The following SLC22A6 variants were observed in gnomAD, a reference collection of about 807,000 sequenced individuals.
SLC22A6 encodes PAH transporter.
SLC22A6 carries 45 observed loss-of-function variants against 56.7 expected under a neutral mutation model. The ratio of observed to expected loss-of-function variants is 0.79; its 90% CI spans 0.63 to 1.02. SLC22A6 has a LOEUF of 1.02. Among genes scored for constraint, SLC22A6 ranks in the 50% least tolerant of loss-of-function variants. The pLI is 0.00. For missense variants in SLC22A6, 606 were observed against 713.8 expected, an observed-to-expected ratio of 0.85 and a Z score of 1.72; for synonymous variants, 291 against 295.9, an observed-to-expected ratio of 0.98 and a Z score of 0.17.
At position 62,979,582 on chromosome 11, in the gene SLC22A6, G is replaced by A. The variant is rs1383910173; in HGVS notation, c.1267C>T (p.Arg423Ter). Residue 423 changes from arginine to a stop codon, truncating the protein, a stop_gained, in exon 8 of 10, where the codon CGA becomes TGA. Transcript: ENST00000360421. LOFTEE classifies it high-confidence loss of function. ...TTCCCCAGCACAGCAAGAGAGGTTC[G>A]GACAATGGACTGGTCTAGAGAGAAA... ...GVIPQDQSIV[R>*]TSLAVLGKGC... 8.1e-6 allele frequency: 13 copies of A among 1,613,774 alleles called. No individual in the cohort carries two copies. The highest frequency in any genetic ancestry group is 2.7e-5 in the African/African-American group (2 of 74,928).
At chr11:62,976,954 G>A in intron 9 of SLC22A6, 73 bp from the exon 10 acceptor site, 2 of 1,557,510 alleles carry the variant, frequency 1.3e-6, no homozygotes, top group Non-Finnish European at 1.8e-6. Flanking sequence ...GAGGCTCCCA[G>A]GGGGTCTCCG....
At position 62,984,818 on chromosome 11, in the gene SLC22A6, G is replaced by A. The variant is rs1013008086; in HGVS notation, c.-128C>T. ...GTTGCCTCCGCAGCTGGGTTGCTCC[G>A]GGAGCTGAGTCCGAGCTGCTCTGTG... On this transcript the variant is annotated 5_prime_UTR_variant, in exon 1 of 10. Coordinates refer to ENST00000360421, the MANE Select transcript of SLC22A6 (RefSeq NM_153276.3). The A allele has an allele frequency of 2.3e-5, 24 of 1,031,824 alleles. No individual in the cohort carries two copies. The highest frequency in any genetic ancestry group is 8.2e-5 in the Admixed American group (3 of 36,622). 63.9% of individuals were successfully genotyped at this position (1,031,824 alleles called of 1,614,324 possible). A position where few individuals can be genotyped will look rare whatever the true frequency, so the allele number is the denominator to read the frequency against.
At chr11:62,980,339 C>T (rs2086238673) in intron 6 of SLC22A6, among the ~76,000 whole-genome samples, 1 of 152,142 alleles carries the variant, frequency 6.6e-6, no homozygotes, top group Non-Finnish European at 1.5e-5. Context: ...TGTCCATGGT[C>T]CTGGGATGAG....
chr11:62,980,629 T>C (rs1368081617), intron 6 of SLC22A6, among the ~76,000 whole-genome samples: 1 of 152,250 alleles, frequency 6.6e-6, no homozygotes, highest in African/African-American at 2.4e-5. Context: ...CCTGTGTTTC[T>C]GGCAGGCACC....
In SLC22A6 at chr11:62,977,256, C is replaced by G; in HGVS notation, c.1493G>C (p.Ser498Thr). 1 of 1,614,136 alleles carries G rather than the reference C, an allele frequency of 6.2e-7. No homozygotes were observed. Among genetic ancestry groups the G allele is most frequent in the Non-Finnish European group, 8.5e-7 (1 of 1,180,034 alleles). The change falls in exon 9 of 10, where the codon AGC becomes ACC. Residue 498 changes from serine to threonine, a missense_variant. By Grantham distance (58) the Ser-to-Thr change is moderately conservative (BLOSUM62 1). Coordinates refer to ENST00000360421, the MANE Select transcript of SLC22A6 (RefSeq NM_153276.3). ...CTCTGGCAGGAGGACAGTGACAGCG[C>G]TGGCGGCCACAGGAACAGCACCGTA... Reference protein sequence around the residue: ...FIYGAVPVAASAVTVLLPETL... With the variant: ...FIYGAVPVAATAVTVLLPETL...
intron 6 of SLC22A6, 85 bp from the exon 7 acceptor site, chr11:62,980,033 G>A: frequency 2.2e-6 from 2 of 903,200 alleles, no homozygotes; most frequent in Non-Finnish European, 3.6e-6. Flanking sequence ...GAACTGCATT[G>A]GGTACCCTGC....
rs2086196861 is a variant in SLC22A6, at chr11:62,977,019, G to A, written c.1566-138C>T. On this transcript the variant is annotated intron_variant, in intron 9 of 9. Transcript: ENST00000360421. ...CCCCAAATACCTACTGCTCCCTGGA[G>A]CTGGGATCCCCAGGAAGGATTCTAG... 6 of 1,515,206 alleles carry A rather than the reference G, an allele frequency of 4.0e-6. No homozygotes were observed. In the South Asian group the frequency reaches 7.3e-5, roughly 18 times the overall value. The allele number at this position is 1,515,206 out of a possible 1,614,324, so 93.9% of individuals were successfully genotyped here. A position where few individuals can be genotyped will look rare whatever the true frequency, so the allele number is the denominator to read the frequency against.
chr11:62,976,763 T>C lies in SLC22A6; in HGVS notation c.*31A>G. 1 of 1,582,026 alleles carries C rather than the reference T, an allele frequency of 6.3e-7. No homozygotes were observed. The highest frequency in any genetic ancestry group is 8.6e-7 in the Non-Finnish European group (1 of 1,157,062). On this transcript the variant is annotated 3_prime_UTR_variant, in exon 10 of 10. Transcript: ENST00000360421. The stretch of plus-strand genomic sequence containing the variant: ...GGAGACCTGTAGGACCTTCCCTCCC[T>C]TTAGGGTTCTGTAAGGCCCCTTCTC...
chr11:62,983,889 A>G lies in SLC22A6; in HGVS notation c.473+55T>C. ...GCTCCCACCTAGACACCCTGAGCCC[A>G]GCTGAGCCCCTAATCCCAGCCCAGC... On this transcript the variant is annotated intron_variant, in intron 2 of 9. Transcript: ENST00000360421. The surrounding 1 kb of genome is among the most constrained non-coding windows in gnomAD (Gnocchi z 4.5). The G allele has an allele frequency of 7.3e-7, 1 of 1,377,014 alleles. No individual in the cohort carries two copies. The highest frequency in any genetic ancestry group is 1.9e-5 in the Admixed American group (1 of 51,872). The allele number at this position is 1,377,014 out of a possible 1,614,324, so 85.3% of individuals were successfully genotyped here.
In SLC22A6 at chr11:62,983,517, G is replaced by C; in HGVS notation, c.628+20C>G. On this transcript the variant is annotated intron_variant, in intron 3 of 9. Transcript: ENST00000360421. The surrounding 1 kb of genome is among the most constrained non-coding windows in gnomAD (Gnocchi z 4.5). ...TGGGCTGGGTGGCCGGAGGGGAGTG[G>C]GCTGGTAAGAATCTCTCACTCAGTG... is the stretch of plus-strand genomic sequence containing the variant. 6.4e-7 allele frequency: 1 copy of C among 1,552,700 alleles called. No homozygotes were observed. Among genetic ancestry groups the C allele is most frequent in the Non-Finnish European group, 8.7e-7 (1 of 1,148,400 alleles).
Position 62,980,995 on chromosome 11 carries a change from A to G in SLC22A6, c.1027T>C (p.Ser343Pro), listed in dbSNP as rs1211153954. The G allele has an allele frequency of 1.7e-5, 28 of 1,605,382 alleles. No individual in the cohort carries two copies. The highest frequency in any genetic ancestry group is 2.4e-5 in the Non-Finnish European group (28 of 1,174,222). ...PTLRHLFLCL[S>P]MLWFATSFAY... ...TCTTTCTGGGCCTACCACAGCATGG[A>G]GAGGCAGAGGAAGAGGTGGCGGAGG... Residue 343 changes from serine (S) to proline (P), a missense_variant, in exon 6 of 10, where the codon TCC becomes CCC. By Grantham distance (74) the Ser-to-Pro change is moderately conservative. Transcript: ENST00000360421.
At chr11:62,977,919 C>A (rs2086208576) in intron 8 of SLC22A6, among the ~76,000 whole-genome samples, 1 of 152,202 alleles carries the variant, frequency 6.6e-6, no homozygotes, top group African/African-American at 2.4e-5. Flanking sequence ...GAACATTCTT[C>A]ATGAGAGAAG....
In SLC22A6 at chr11:62,983,629, G is replaced by C. The variant is rs1249739291; in HGVS notation, c.536C>G (p.Ala179Gly). The change falls in exon 3 of 10, where the codon GCA (alanine) becomes GGA (glycine). Residue 179 changes from alanine (A) to glycine (G), a missense_variant. Transcript: ENST00000360421. The surrounding 1 kb of genome is among the most constrained non-coding windows in gnomAD (Gnocchi z 4.5). Reference protein sequence around the residue: ...YLQTAVSGTCAAFAPNFPIYC... With the variant: ...YLQTAVSGTCGAFAPNFPIYC... ...GATGGGGAAGTTGGGTGCGAAGGCTGCGCAGGTCCCTGACACAGCTGTCTG... is the reference window on the plus strand; with the variant it reads ...GATGGGGAAGTTGGGTGCGAAGGCTCCGCAGGTCCCTGACACAGCTGTCTG... The C allele has an allele frequency of 6.2e-7, 1 of 1,610,794 alleles. No individual in the cohort carries two copies. The highest frequency in any genetic ancestry group is 1.1e-5 in the South Asian group (1 of 90,126).
chr11:62,981,391 CG>C lies in SLC22A6; in HGVS notation c.798-9del. ...GCCGACTCAATGAAGAACCTGGGAG[CG>C]GGGGTGGGGGTGGGTGTCAGCATGG... On this transcript the variant is annotated splice_polypyrimidine_tract_variant and intron_variant, in intron 4 of 9. Coordinates refer to ENST00000360421, the MANE Select transcript of SLC22A6 (RefSeq NM_153276.3). 9.7e-6 allele frequency: 3 copies of C among 308,198 alleles called. No homozygotes were observed. The highest frequency in any genetic ancestry group is 1.5e-5 in the Non-Finnish European group (3 of 199,536). The allele number at this position is 308,198 out of a possible 1,614,324, so 19.1% of individuals were successfully genotyped here.
intron 8 of SLC22A6, among the ~76,000 whole-genome samples, chr11:62,978,764 G>T (rs1368503057): frequency 1.3e-5 from 2 of 151,988 alleles, no homozygotes; most frequent in African/African-American, 4.8e-5. Context: ...GCTAATTTTT[G>T]TATTTTTAGT....
In SLC22A6 at chr11:62,983,987, C is replaced by G; in HGVS notation, c.430G>C (p.Gly144Arg). The change falls in exon 2 of 10, where the codon GGG becomes CGG. Residue 144 changes from glycine to arginine, a missense_variant. Physicochemically the swap from Gly to Arg is moderately radical, Grantham distance 125. Coordinates refer to ENST00000360421, the MANE Select transcript of SLC22A6 (RefSeq NM_153276.3). The surrounding 1 kb of genome is among the most constrained non-coding windows in gnomAD (Gnocchi z 4.5). Reference protein sequence around the residue: ...RQLAQSLYMVGVLLGAMVFGY... With the variant: ...RQLAQSLYMVRVLLGAMVFGY... ...AACACCATGGCTCCGAGCAGCACCC[C>G]CACCATGTACAAGGACTGGGCCAGC... 6.2e-7 allele frequency: 1 copy of G among 1,614,004 alleles called. No homozygotes were observed. Among genetic ancestry groups the G allele is most frequent in the Non-Finnish European group, 8.5e-7 (1 of 1,179,958 alleles).
At position 62,983,483 on chromosome 11, in the gene SLC22A6, A is replaced by G; in HGVS notation, c.628+54T>C. The stretch of plus-strand genomic sequence containing the variant: ...GGCAGGCTGGGAGGGGAGGCTGGAA[A>G]GGGGTTGCTGGGCTGGGTGGCCGGA... On this transcript the variant is annotated intron_variant, in intron 3 of 9. Coordinates refer to ENST00000360421, the MANE Select transcript of SLC22A6 (RefSeq NM_153276.3). This position sits in a 1 kb window ranked among gnomAD's most constrained non-coding sequence, Gnocchi z 4.5. 5 of 1,539,092 alleles carry G rather than the reference A, an allele frequency of 3.2e-6. No homozygotes were observed. The highest frequency in any genetic ancestry group is 4.4e-6 in the Non-Finnish European group (5 of 1,139,804).
chr11:62,984,589 G>T lies in SLC22A6; in HGVS notation c.102C>A (p.His34Gln), dbSNP rs1168468419. Residue 34 changes from histidine (H) to glutamine (Q), a missense_variant, in exon 1 of 10, where the codon CAC (histidine) becomes CAA (glutamine). His to Gln is a conservative substitution (Grantham distance 24). Transcript: ENST00000360421. Reference sequence around the variant, plus strand: ...CAGCAGTGAAGTTCTGCAGGGTGTTGTGAGAAGCCATCAGGAGCAGGGGGA... The same window carrying T: ...CAGCAGTGAAGTTCTGCAGGGTGTTTTGAGAAGCCATCAGGAGCAGGGGGA... ...VVLPLLLMAS[H>Q]NTLQNFTAAI... 1.2e-6 allele frequency: 2 copies of T among 1,613,602 alleles called. No individual in the cohort carries two copies. Among genetic ancestry groups the T allele is most frequent in the South Asian group, 1.1e-5 (1 of 91,026 alleles).
Position 62,979,910 on chromosome 11 carries a change from TC to T in SLC22A6, c.1075del (p.Asp359ThrfsTer11). 1 of 1,614,006 alleles carries T rather than the reference TC, an allele frequency of 6.2e-7. No homozygotes were observed. Among genetic ancestry groups the T allele is most frequent in the Non-Finnish European group, 8.5e-7 (1 of 1,179,976 alleles). ...TSFAYYGLVM[D>X]LQGFGVSIYL... ...GATGCTGACTCCAAAGCCCTGCAGG[TC>T]CATGACCAGCCCATAGTATGCAAAG... On this transcript the variant is annotated frameshift_variant, in exon 7 of 10. Coordinates refer to ENST00000360421, the MANE Select transcript of SLC22A6 (RefSeq NM_153276.3). LOFTEE classifies it high-confidence loss of function.
Sources: allele counts gnomAD v4.1 joint callset (sites outside exome capture counted in the v4.1 genomes callset), GRCh38; gene constraint gnomAD v4.1.1; non-coding constraint Gnocchi (gnomAD v3.1); transcripts MANE v1.5; gene names NCBI Gene and HGNC (gene_info 2026-07-23, HGNC 2026-07-21).